Variants in PLEKHG4B observed in about 807,000 individuals in gnomAD.
The protein encoded by PLEKHG4B is pleckstrin homology and RhoGEF domain containing G4B, also known as pleckstrin homology domain-containing family G member 4B.
PLEKHG4B carries 111 observed loss-of-function variants against 121.3 expected under a neutral mutation model. That is an observed-to-expected ratio of 0.92 (90% CI 0.78 to 1.07). The LOEUF is 1.07. Ranked by LOEUF, PLEKHG4B falls within the 50% of genes least tolerant of loss-of-function variation. The pLI, the probability that PLEKHG4B is intolerant of heterozygous loss-of-function variation, is 0.00. For synonymous variants in PLEKHG4B, 738 were observed against 725.0 expected, an observed-to-expected ratio of 1.02 and a Z score of -0.29; for missense variants, 1,831 against 1,757.8, an observed-to-expected ratio of 1.04 and a Z score of -0.74.
At chr5:135,187 C>CAAAAAAA (rs35601775) in intron 2 of PLEKHG4B, among the ~76,000 whole-genome samples, 2 of 48,776 alleles carry the variant, frequency 4.1e-5, no homozygotes, top group African/African-American at 1.3e-4. Flanking sequence ...GACTCCAGCT[C>CAAAAAAA]AAAAAAAAAA....
At position 135,725 on chromosome 5, in the gene PLEKHG4B, A is replaced by ATATG. The variant is rs1553985257; in HGVS notation, c.244-3752_244-3749dup. Among the ~76,000 whole-genome samples the ATATG allele has an allele frequency of 3.3e-3, 357 of 108,388 alleles. 9 individuals are homozygous for ATATG. The highest frequency in any genetic ancestry group is 5.5e-3 in the Non-Finnish European group (284 of 51,298). 71.1% of individuals were successfully genotyped at this position (108,388 alleles called of 152,430 possible). A position where few individuals can be genotyped will look rare whatever the true frequency, so the allele number is the denominator to read the frequency against. On this transcript the variant is annotated intron_variant, in intron 2 of 19. Transcript: ENST00000637938. ...TATATATATATATATATATATATATATATGTATGTCAGTACTACCCAAAGT... is the reference window on the plus strand; with the variant it reads ...TATATATATATATATATATATATATATATGTATGTATGTCAGTACTACCCAAAGT...
In PLEKHG4B at chr5:151,690, A is replaced by G. The variant is rs112158414; in HGVS notation, c.1992+91A>G. The G allele has an allele frequency of 6.8e-5, 58 of 857,418 alleles. No individual in the cohort carries two copies. In the African/African-American group the frequency reaches 8.7e-4, roughly 13 times the overall value. The allele number at this position is 857,418 out of a possible 1,614,324, so 53.1% of individuals were successfully genotyped here. Reference sequence around the variant, plus strand: ...ATGAAACACATGAAGGAATTTAGATAAGTTCTAATTGCATCCATGTGGGAG... The same window carrying G: ...ATGAAACACATGAAGGAATTTAGATGAGTTCTAATTGCATCCATGTGGGAG... On this transcript the variant is annotated intron_variant, in intron 7 of 19. Transcript: ENST00000637938.
intron 1 of PLEKHG4B, among the ~76,000 whole-genome samples, chr5:109,397 CA>C (rs34972342): frequency 0.012 from 767 of 61,814 alleles, 3 homozygotes; most frequent in African/African-American, 0.04. Context: ...ACTCTGTCTC[CA>C]AAAAAAAAAA....
At chr5:146,810 A>T (rs1467580546) in intron 6 of PLEKHG4B, among the ~76,000 whole-genome samples, 1 of 137,818 alleles carries the variant, frequency 7.3e-6, no homozygotes, top group African/African-American at 2.7e-5. Flanking sequence ...TCCCCCTTGC[A>T]TCGAGCCTGC....
intron 2 of PLEKHG4B, among the ~76,000 whole-genome samples, chr5:127,154 G>A (rs1451356095): frequency 6.6e-6 from 1 of 152,062 alleles, no homozygotes; most frequent in Non-Finnish European, 1.5e-5. Context: ...GCATTCACCT[G>A]TATGAGCTTC....
At chr5:171,517 C>T in intron 16 of PLEKHG4B, 73 bp downstream of exon 16, 3 of 1,368,048 alleles carry the variant, frequency 2.2e-6, no homozygotes, top group Non-Finnish European at 3.0e-6. Flanking sequence ...AGTCTTGGCC[C>T]CAGCAGCACA....
Position 159,341 on chromosome 5 carries a change from G to A in PLEKHG4B, c.2487+2430G>A, listed in dbSNP as rs796068583. Among the ~76,000 whole-genome samples the A allele has an allele frequency of 6.6e-6, 1 of 152,192 alleles. No homozygotes were observed. Among genetic ancestry groups the A allele is most frequent in the African/African-American group, 2.4e-5 (1 of 41,500 alleles). On this transcript the variant is annotated intron_variant, in intron 11 of 19. Transcript: ENST00000637938. The surrounding 1 kb of genome is among the most constrained non-coding windows in gnomAD (Gnocchi z 5.5). The stretch of plus-strand genomic sequence containing the variant: ...GGTGTGCTCTTTGTGTCTGCACTGC[G>A]CCCCTCTGTTCTGGGAATTCTGTGA...
chr5:155,258 A>C (rs1357070604), intron 8 of PLEKHG4B, 87 bp from the exon 9 acceptor site: 4 of 1,229,772 alleles, frequency 3.3e-6, no homozygotes, highest in African/African-American at 1.5e-5. Context: ...AGATCGGTCT[A>C]AATGCAGAAA....
chr5:150,419 G>C (rs1444725687), intron 6 of PLEKHG4B, among the ~76,000 whole-genome samples: 1 of 152,160 alleles, frequency 6.6e-6, no homozygotes, highest in Non-Finnish European at 1.5e-5. Context: ...AAGAGTTATG[G>C]AGACGAATGG....
At chr5:164,630 G>GGAGCTCACAGTAATGCTGTGACGGAGCA (rs1560945028) in intron 13 of PLEKHG4B, among the ~76,000 whole-genome samples, 2 of 49,740 alleles carry the variant, frequency 4.0e-5, no homozygotes, top group African/African-American at 7.0e-5. Context: ...GTGACGGAGC[G>GGAGCTCACAGTAATGCTGTGACGGAGCA]GAGCTCACAC....
chr5:162,865 T>C lies in PLEKHG4B; in HGVS notation c.2793T>C (p.His931=), dbSNP rs1416090389. The stretch of plus-strand genomic sequence containing the variant: ...CAGGTGTGGCAGTGCTGAAGCCTCA[T>C]GCCCTGGGGAAACCGTGGGCATCAC... ...PGAGVAVLKP[H]ALGKPWASQQ... The change falls in exon 13 of 20, where the codon CAT becomes CAC. Residue 931 remains histidine (H), a synonymous_variant. Coordinates refer to ENST00000637938, the MANE Select transcript of PLEKHG4B (RefSeq NM_052909.5). 2 of 1,517,804 alleles carry C rather than the reference T, an allele frequency of 1.3e-6. No individual in the cohort carries two copies. The highest frequency in any genetic ancestry group is 8.8e-7 in the Non-Finnish European group (1 of 1,131,534). The allele number at this position is 1,517,804 out of a possible 1,614,324, so 94.0% of individuals were successfully genotyped here.
At chr5:118,498 T>C (rs1425721774) in intron 2 of PLEKHG4B, among the ~76,000 whole-genome samples, 1 of 152,176 alleles carries the variant, frequency 6.6e-6, no homozygotes, top group Non-Finnish European at 1.5e-5. Context: ...ATCTCAAGGG[T>C]GTATGATCTC....
chr5:122,351 C>CA (rs1287981559), intron 2 of PLEKHG4B, among the ~76,000 whole-genome samples: 1 of 151,886 alleles, frequency 6.6e-6, no homozygotes, highest in Non-Finnish European at 1.5e-5. Context: ...TGGACAGACT[C>CA]AAAAAAAGGC....
chr5:133,914 ACACACACG>A (rs1392591737), intron 2 of PLEKHG4B, among the ~76,000 whole-genome samples: 9 of 112,650 alleles, frequency 8.0e-5, no homozygotes, highest in African/African-American at 6.2e-4. Context: ...AGAAAATGTG[ACACACACG>A]CACACACACA....
intron 1 of PLEKHG4B, among the ~76,000 whole-genome samples, chr5:106,881 G>A (rs1250623113): frequency 6.6e-6 from 1 of 152,156 alleles, no homozygotes; most frequent in Non-Finnish European, 1.5e-5. Context: ...GAGGTGCAGG[G>A]CGCAGTTCTC....
intron 13 of PLEKHG4B, 47 bp downstream of exon 13, chr5:163,595 C>G (rs1206436248): frequency 7.0e-7 from 1 of 1,436,330 alleles, no homozygotes; most frequent in Non-Finnish European, 9.2e-7. Context: ...CCTTGGGGAT[C>G]TAGAAACCCA....
In PLEKHG4B at chr5:159,898, G is replaced by A. The variant is rs531626481; in HGVS notation, c.2488-1885G>A. Among the ~76,000 whole-genome samples, 26 of 152,192 alleles carry A rather than the reference G, an allele frequency of 1.7e-4. No homozygotes were observed. The South Asian group carries it at 4.8e-3, about 28-fold the overall frequency. ...GCTCTCCTCAGGCCCTGCCACTCCCGCTTCCTTCCCGGCCTCCAGGTTTGT... is the reference window on the plus strand; with the variant it reads ...GCTCTCCTCAGGCCCTGCCACTCCCACTTCCTTCCCGGCCTCCAGGTTTGT... On this transcript the variant is annotated intron_variant, in intron 11 of 19. Transcript: ENST00000637938. The surrounding 1 kb of genome is among the most constrained non-coding windows in gnomAD (Gnocchi z 5.5).
chr5:135,682 AATATATATATATATATAT>A (rs70955207), intron 2 of PLEKHG4B, among the ~76,000 whole-genome samples: 129 of 19,494 alleles, frequency 6.6e-3, no homozygotes, highest in African/African-American at 0.01. Context: ...AAAAAAAAAA[AATATATATATATATATAT>A]ATATATATAT....
At chr5:163,946 A>C (rs1736142972) in intron 13 of PLEKHG4B, among the ~76,000 whole-genome samples, 1 of 152,244 alleles carries the variant, frequency 6.6e-6, no homozygotes, top group Non-Finnish European at 1.5e-5. Flanking sequence ...AGGCGCACCC[A>C]TGCGCCCATT....
Sources: allele counts gnomAD v4.1 joint callset (sites outside exome capture counted in the v4.1 genomes callset), GRCh38; gene constraint gnomAD v4.1.1; non-coding constraint Gnocchi (gnomAD v3.1); transcripts MANE v1.5; gene names NCBI Gene and HGNC (gene_info 2026-07-23, HGNC 2026-07-21).